Variants in KRT7 observed in about 807,000 individuals in gnomAD.
KRT7 encodes the protein keratin 7.
A neutral mutation model predicts 42.8 loss-of-function variants in KRT7; 50 were observed. That is an observed-to-expected ratio of 1.17 (90% CI 0.93 to 1.48). KRT7 has a LOEUF of 1.48. Ranked by LOEUF, KRT7 falls within the 40% of genes most tolerant of loss-of-function variation. The pLI is 0.00. For missense variants in KRT7, 588 were observed against 637.6 expected (o/e 0.92, Z 0.84); for synonymous variants, 268 against 266.3 (o/e 1.01, Z -0.06).
At chr12:52,235,001 T>A (rs1034171380) in intron 1 of KRT7, among the ~76,000 whole-genome samples, 154 bp from the exon 2 acceptor site, 2 of 152,192 alleles carry the variant, frequency 1.3e-5, no homozygotes, top group Admixed American at 6.5e-5. Context: ...GACACTTGAT[T>A]TGGAGTCCAA....
chr12:52,233,430 C>T lies in KRT7; in HGVS notation c.134C>T (p.Ser45Leu). Residue 45 changes from serine (S) to leucine (L), a missense_variant, in exon 1 of 9, where the codon TCA becomes TTA. By Grantham distance (145) the Ser-to-Leu change is moderately radical (BLOSUM62 -2). Coordinates refer to ENST00000331817, the MANE Select transcript of KRT7 (RefSeq NM_005556.4). ...AGCAGCCTCTACGGCCTCGGCGCCT[C>T]ACGGCCGCGCGTGGCCGTGCGCTCT... ...GSSSLYGLGASRPRVAVRSAY... is the reference protein window; with the variant it reads ...GSSSLYGLGALRPRVAVRSAY... 2 of 1,558,884 alleles carry T rather than the reference C, an allele frequency of 1.3e-6. No individual in the cohort carries two copies. Among genetic ancestry groups the T allele is most frequent in the Non-Finnish European group, 1.7e-6 (2 of 1,160,228 alleles).
chr12:52,241,494 A>C lies in KRT7; in HGVS notation c.716A>C (p.Gln239Pro). 2 of 1,613,008 alleles carry C rather than the reference A, an allele frequency of 1.2e-6. No individual in the cohort carries two copies. The highest frequency in any genetic ancestry group is 1.7e-6 in the Non-Finnish European group (2 of 1,179,426). The change falls in exon 5 of 9, where the codon CAG becomes CCG. Residue 239 changes from glutamine to proline, a missense_variant. Gln to Pro is a moderately conservative substitution (Grantham distance 76). Coordinates refer to ENST00000331817, the MANE Select transcript of KRT7 (RefSeq NM_005556.4). ...NETELTELQS[Q>P]ISDTSVVLSM... ...CAGGAGTTGACAGAGCTGCAGTCCC[A>C]GATCTCCGACACATCTGTGGTGCTG...
intron 7 of KRT7, chr12:52,247,739 T>C: frequency 5.3e-6 from 1 of 187,794 alleles, no homozygotes; most frequent in Non-Finnish European, 1.1e-5. Flanking sequence ...GGCCTCATAC[T>C]GGGGATAAAA....
chr12:52,237,455 G>A lies in KRT7; in HGVS notation c.537-54G>A. On this transcript the variant is annotated intron_variant, in intron 2 of 8. Coordinates refer to ENST00000331817, the MANE Select transcript of KRT7 (RefSeq NM_005556.4). ...TTCACAGCTGCATATGGCGGAGGGG[G>A]GACGGGAGCATGGAGGCAAAGCTGC... 2.3e-6 allele frequency: 3 copies of A among 1,316,788 alleles called. No homozygotes were observed. In the East Asian group the frequency reaches 7.2e-5, roughly 32 times the overall value. 81.6% of individuals were successfully genotyped at this position (1,316,788 alleles called of 1,614,324 possible). A position where few individuals can be genotyped will look rare whatever the true frequency, so the allele number is the denominator to read the frequency against.
chr12:52,245,690 T>C, intron 7 of KRT7, 58 bp downstream of exon 7: 2 of 1,601,444 alleles, frequency 1.2e-6, no homozygotes, highest in Non-Finnish European at 1.7e-6. Flanking sequence ...GTTTGGGGCT[T>C]GACATTCATC....
chr12:52,254,854 A>G (rs890728984), downstream of KRT7, among the ~76,000 whole-genome samples: 2 of 152,038 alleles, frequency 1.3e-5, no homozygotes, highest in Non-Finnish European at 2.9e-5. Flanking sequence ...CTTTCCTCAT[A>G]TGGAGGTGGC....
At chr12:52,252,584 C>T, downstream of KRT7, 1 of 1,434,498 alleles carries the variant, frequency 7.0e-7, no homozygotes. Context: ...GAGGCCTTGT[C>T]TATTTGTTAG....
downstream of KRT7, among the ~76,000 whole-genome samples, chr12:52,253,015 C>T (rs747073863): frequency 3.3e-5 from 5 of 152,188 alleles, no homozygotes; most frequent in African/African-American, 7.2e-5. Context: ...CCCTTGGAAG[C>T]ACCTCATTCC....
intron 5 of KRT7, 53 bp from the exon 6 acceptor site, chr12:52,242,959 A>G (rs954952115): frequency 4.3e-5 from 67 of 1,557,256 alleles, no homozygotes; most frequent in Admixed American, 2.1e-4. Flanking sequence ...GGGATGAGTT[A>G]CCTGTACTCA....
intron 4 of KRT7, 53 bp downstream of exon 4, chr12:52,238,828 G>GCTCCCTGGTTAGA: frequency 2.6e-6 from 3 of 1,155,200 alleles, no homozygotes; most frequent in Non-Finnish European, 3.9e-6. Context: ...TCTAACCAGG[G>GCTCCCTGGTTAGA]AGCCATCTGG....
At chr12:52,238,599 C>T (rs1441409110) in intron 3 of KRT7, 81 bp from the exon 4 acceptor site, 2 of 846,916 alleles carry the variant, frequency 2.4e-6, no homozygotes, top group Admixed American at 1.7e-5. Flanking sequence ...TTGGACAGGG[C>T]AGGCCTGCTT....
At chr12:52,243,373 G>C in intron 6 of KRT7, 1 of 490,104 alleles carries the variant, frequency 2.0e-6, no homozygotes, top group South Asian at 3.4e-5. Context: ...ACTCAGGCTG[G>C]CTGGCCAGAA....
downstream of KRT7, chr12:52,250,388 G>T: frequency 2.6e-6 from 1 of 389,346 alleles, no homozygotes; most frequent in East Asian, 5.6e-5. Context: ...CCCACGTCTG[G>T]GGACCGTGGG....
chr12:52,238,618 A>G (rs1802402594), intron 3 of KRT7, 62 bp from the exon 4 acceptor site: 10 of 1,016,708 alleles, frequency 9.8e-6, no homozygotes, highest in Middle Eastern at 2.1e-4. Flanking sequence ...TTCCACCCCT[A>G]CTAAATGTTC....
chr12:52,236,742 C>T (rs2121069866), intron 2 of KRT7, among the ~76,000 whole-genome samples: 1 of 152,280 alleles, frequency 6.6e-6, no homozygotes, highest in South Asian at 2.1e-4. Flanking sequence ...TTTCCAACAC[C>T]TTTTTTTGAG....
downstream of KRT7, chr12:52,253,094 C>T (rs770559380): frequency 9.4e-5 from 88 of 935,286 alleles, no homozygotes; most frequent in Non-Finnish European, 1.5e-4. Flanking sequence ...GGCTGTCTGT[C>T]CTCATGCTGG....
rs774378425 is a variant in KRT7, at chr12:52,233,621, G to A, written c.324+1G>A. The stretch of plus-strand genomic sequence containing the variant: ...CAAGTTTGCCTCCTTCATCGACAAG[G>A]TGAGCGGGACTGGACCTCGCCTCTC... On this transcript the variant is annotated splice_donor_variant, in intron 1 of 8. Transcript: ENST00000331817. LOFTEE classifies it high-confidence loss of function. 2.5e-6 allele frequency: 4 copies of A among 1,612,334 alleles called. No individual in the cohort carries two copies. Among genetic ancestry groups the A allele is most frequent in the East Asian group, 4.5e-5 (2 of 44,836 alleles).
At chr12:52,238,148 G>A (rs930331231) in intron 3 of KRT7, among the ~76,000 whole-genome samples, 13 of 152,182 alleles carry the variant, frequency 8.5e-5, no homozygotes, top group Non-Finnish European at 1.3e-4. Flanking sequence ...AGGCCTGTCC[G>A]TAGGAGTTTA....
chr12:52,248,134 C>T (rs760169517), intron 7 of KRT7, 43 bp from the exon 8 acceptor site: 21 of 1,598,786 alleles, frequency 1.3e-5, no homozygotes, highest in Admixed American at 3.3e-5. Context: ...TTCCCTCCCA[C>T]GCTAGGAAAG....
Sources: allele counts gnomAD v4.1 joint callset (sites outside exome capture counted in the v4.1 genomes callset), GRCh38; gene constraint gnomAD v4.1.1; transcripts MANE v1.5; gene names NCBI Gene and HGNC (gene_info 2026-07-23, HGNC 2026-07-21).